PRDM15: variants seen among roughly 807,000 people sequenced by gnomAD.
The protein encoded by PRDM15 is PR/SET domain 15, also known as PR domain zinc finger protein 15.
PRDM15 carries 64 observed loss-of-function variants against 128.6 expected under a neutral mutation model. That is an observed-to-expected ratio of 0.50 (90% CI 0.41 to 0.61). The LOEUF is 0.61. PRDM15 is among the 20% of genes least tolerant of loss of function. The probability of loss-of-function intolerance (pLI) is 0.00; values close to 1 mark genes in which losing one functional copy is unlikely to be tolerated. For missense variants in PRDM15, 1,242 were observed against 1,569.1 expected (o/e 0.79, Z 3.52); for synonymous variants, 615 against 621.8 (o/e 0.99, Z 0.16).
Position 41,821,460 on chromosome 21 carries a change from T to C in PRDM15, c.1897-230A>G, listed in dbSNP as rs561032972. On this transcript the variant is annotated intron_variant, in intron 15 of 23. Transcript: ENST00000398548. The surrounding 1 kb of genome is among the most constrained non-coding windows in gnomAD (Gnocchi z 5.4). ...TGTCCTCGGAAACAAACCACCCTCC[T>C]TTTTGGAGAGCCCCTTCCATGCACA... 6.6e-6 allele frequency among the ~76,000 whole-genome samples: 1 copy of C among 152,138 alleles called. No individual in the cohort carries two copies. The highest frequency in any genetic ancestry group is 2.4e-5 in the African/African-American group (1 of 41,494).
intron 1 of PRDM15, chr21:41,871,625 T>C (rs766545087): frequency 8.1e-6 from 13 of 1,606,968 alleles, no homozygotes; most frequent in Middle Eastern, 1.8e-4. Context: ...CTGGGACCTG[T>C]AGGCCAACAG....
chr21:41,810,662 A>AT lies in PRDM15; in HGVS notation c.2476+90_2476+91insA, dbSNP rs2061835610. ...AATGTGCTGGAACCGTCTAGATAAT[A>AT]GAATAGTCGTTTCCACCCCAGCAGG... is the stretch of plus-strand genomic sequence containing the variant. On this transcript the variant is annotated intron_variant, in intron 20 of 23. Coordinates refer to ENST00000398548, the MANE Select transcript of PRDM15 (RefSeq NM_001040424.3). The surrounding 1 kb of genome is among the most constrained non-coding windows in gnomAD (Gnocchi z 6.4). 1 of 1,014,886 alleles carries AT rather than the reference A, an allele frequency of 9.9e-7. No individual in the cohort carries two copies. Among genetic ancestry groups the AT allele is most frequent in the African/African-American group, 1.6e-5 (1 of 63,486 alleles). The allele number at this position is 1,014,886 out of a possible 1,614,324, so 62.9% of individuals were successfully genotyped here.
Position 41,859,519 on chromosome 21 carries a change from C to T in PRDM15, c.131+73G>A, listed in dbSNP as rs2063745239. On this transcript the variant is annotated intron_variant, in intron 3 of 23. Coordinates refer to ENST00000398548, the MANE Select transcript of PRDM15 (RefSeq NM_001040424.3). The surrounding 1 kb of genome is among the most constrained non-coding windows in gnomAD (Gnocchi z 5.3). ...CCTCAGGCTCCTTCCTCCCCGTCTG[C>T]AGACCCAAAGGCCACTAGGCTCCTG... 1.6e-6 allele frequency: 2 copies of T among 1,249,292 alleles called. No individual in the cohort carries two copies. The highest frequency in any genetic ancestry group is 2.1e-5 in the Admixed American group (1 of 48,608). 77.4% of individuals were successfully genotyped at this position (1,249,292 alleles called of 1,614,324 possible).
At chr21:41,806,456 CACCATCACCACCAGCACCACCCATT>C in intron 21 of PRDM15, among the ~76,000 whole-genome samples, 1 of 48,726 alleles carries the variant, frequency 2.1e-5, no homozygotes, top group Non-Finnish European at 4.0e-5. Context: ...CACCACCCAT[CACCATCACCACCAGCACCACCCATT>C]ACTACCACCA....
At chr21:41,874,525 A>ATTTTT (rs61045274) in intron 1 of PRDM15, among the ~76,000 whole-genome samples, 1,296 of 95,746 alleles carry the variant, frequency 0.014, 39 homozygotes, top group East Asian at 0.089. Context: ...ATATATATAT[A>ATTTTT]TTTTTTTTTT....
rs1018841955 is a variant in PRDM15 at position 41,811,085 on chromosome 21, CACAG to C, written c.2393-253_2393-250del. The C allele has an allele frequency of 6.2e-6, 3 of 487,280 alleles. No homozygotes were observed. The highest frequency in any genetic ancestry group is 7.4e-6 in the Non-Finnish European group (2 of 268,476). The allele number at this position is 487,280 out of a possible 1,614,324, so 30.2% of individuals were successfully genotyped here. A position where few individuals can be genotyped will look rare whatever the true frequency, so the allele number is the denominator to read the frequency against. On this transcript the variant is annotated intron_variant, in intron 19 of 23. Coordinates refer to ENST00000398548, the MANE Select transcript of PRDM15 (RefSeq NM_001040424.3). The surrounding 1 kb of genome is among the most constrained non-coding windows in gnomAD (Gnocchi z 4.1). ...AGATGTGGGAAAGGCTGTCTGAAAA[CACAG>C]ACAGAAAGTGGAACCCACATGTGGA...
intron 5 of PRDM15, among the ~76,000 whole-genome samples, chr21:41,853,648 T>C (rs985667850): frequency 2.0e-5 from 3 of 152,208 alleles, no homozygotes; most frequent in Non-Finnish European, 4.4e-5. Context: ...ATGGGCAAAG[T>C]GATGCCCTGA....
rs1568922348 is a variant in PRDM15 at position 41,821,355 on chromosome 21, G to C, written c.1897-125C>G. 8.9e-7 allele frequency: 1 copy of C among 1,127,842 alleles called. No homozygotes were observed. Among genetic ancestry groups the C allele is most frequent in the Non-Finnish European group, 1.3e-6 (1 of 791,058 alleles). 69.9% of individuals were successfully genotyped at this position (1,127,842 alleles called of 1,614,324 possible). A position where few individuals can be genotyped will look rare whatever the true frequency, so the allele number is the denominator to read the frequency against. ...CCTGAGAGCCCATGACTCATGCCAG[G>C]GTGGAAGGGACTCTCAGAGGCTTGA... On this transcript the variant is annotated intron_variant, in intron 15 of 23. Coordinates refer to ENST00000398548, the MANE Select transcript of PRDM15 (RefSeq NM_001040424.3). The surrounding 1 kb of genome is among the most constrained non-coding windows in gnomAD (Gnocchi z 5.4).
Position 41,859,050 on chromosome 21 carries a change from G to A in PRDM15, c.131+542C>T. ...GCTCACCTGCCCTGGGCCACCAGGTGGCACAGCCTCCCCCAGGTGAGGGTG... is the reference window on the plus strand; with the variant it reads ...GCTCACCTGCCCTGGGCCACCAGGTAGCACAGCCTCCCCCAGGTGAGGGTG... On this transcript the variant is annotated intron_variant, in intron 3 of 23. Transcript: ENST00000398548. The surrounding 1 kb of genome is among the most constrained non-coding windows in gnomAD (Gnocchi z 5.3). 6.4e-7 allele frequency: 1 copy of A among 1,564,588 alleles called. No individual in the cohort carries two copies. The highest frequency in any genetic ancestry group is 2.4e-5 in the East Asian group (1 of 42,444).
In PRDM15 at chr21:41,799,169, A is replaced by G. The variant is rs2061362227; in HGVS notation, c.*2071T>C. On this transcript the variant is annotated 3_prime_UTR_variant, in exon 24 of 24. Coordinates refer to ENST00000398548, the MANE Select transcript of PRDM15 (RefSeq NM_001040424.3). ...TTATAGGGAAGAGGAATAAAAGATC[A>G]ATGCTAGTGGGTGTTTCGTCATGAG... 1 of 152,212 alleles carries G rather than the reference A, an allele frequency of 6.6e-6. No individual in the cohort carries two copies. 9.4% of individuals were successfully genotyped at this position (152,212 alleles called of 1,614,324 possible).
intron 6 of PRDM15, among the ~76,000 whole-genome samples, chr21:41,840,674 A>G (rs1359049435): frequency 2.6e-5 from 4 of 152,152 alleles, no homozygotes; most frequent in Non-Finnish European, 1.5e-5. Flanking sequence ...TCAGGGCGTC[A>G]GCAGACACAT....
intron 21 of PRDM15, among the ~76,000 whole-genome samples, chr21:41,805,182 G>T (rs1019622095): frequency 6.6e-6 from 1 of 152,186 alleles, no homozygotes; most frequent in African/African-American, 2.4e-5. Context: ...CACCAGCTCA[G>T]TGCGTCCTGC....
chr21:41,874,527 T>TA (rs1329086382), intron 1 of PRDM15, among the ~76,000 whole-genome samples: 985 of 96,590 alleles, frequency 0.01, 6 homozygotes, highest in Non-Finnish European at 0.017. Flanking sequence ...ATATATATAT[T>TA]TTTTTTTTTT....
rs1161947907 is a variant in PRDM15 at position 41,799,831 on chromosome 21, CACAA to C, written c.*1405_*1408del. The C allele has an allele frequency of 3.9e-5, 6 of 152,564 alleles. No individual in the cohort carries two copies. The highest frequency in any genetic ancestry group is 2.1e-4 in the South Asian group (1 of 4,828). 9.5% of individuals were successfully genotyped at this position (152,564 alleles called of 1,614,324 possible). A position where few individuals can be genotyped will look rare whatever the true frequency, so the allele number is the denominator to read the frequency against. ...GGCAGGTTTGTCCTCTCACTGTGGCCACAAACAGAGTACCAGGAAAGTTAAGAGC... is the reference window on the plus strand; with the variant it reads ...GGCAGGTTTGTCCTCTCACTGTGGCCACAGAGTACCAGGAAAGTTAAGAGC... On this transcript the variant is annotated 3_prime_UTR_variant, in exon 24 of 24. Transcript: ENST00000398548.
chr21:41,828,141 G>A lies in PRDM15; in HGVS notation c.1534+25C>T, dbSNP rs1007466675. 12 of 1,610,246 alleles carry A rather than the reference G, an allele frequency of 7.5e-6. No individual in the cohort carries two copies. The highest frequency in any genetic ancestry group is 4.4e-5 in the South Asian group (4 of 90,992). On this transcript the variant is annotated intron_variant, in intron 12 of 23. Transcript: ENST00000398548. This position sits in a 1 kb window ranked among gnomAD's most constrained non-coding sequence, Gnocchi z 5.7. ...CCGCAGGAGCTGCCTCTCCCCGCCC[G>A]CAGCAGGTGCGCAGGCGGCCTCACC...
At position 41,854,830 on chromosome 21, in the gene PRDM15, T is replaced by C. The variant is rs1218625847; in HGVS notation, c.286-12A>G. The C allele has an allele frequency of 1.3e-6, 2 of 1,593,794 alleles. No homozygotes were observed. Among genetic ancestry groups the C allele is most frequent in the Admixed American group, 3.4e-5 (2 of 59,368 alleles). On this transcript the variant is annotated splice_polypyrimidine_tract_variant and intron_variant, in intron 4 of 23. Coordinates refer to ENST00000398548, the MANE Select transcript of PRDM15 (RefSeq NM_001040424.3). This position sits in a 1 kb window ranked among gnomAD's most constrained non-coding sequence, Gnocchi z 4.6. Reference sequence around the variant, plus strand: ...TCCTTCTGGAACACCTGAAGGTGAGTCGGCCCATGGAGAAGCCGGGGAAAT... The same window carrying C: ...TCCTTCTGGAACACCTGAAGGTGAGCCGGCCCATGGAGAAGCCGGGGAAAT...
Position 41,839,900 on chromosome 21 carries a change from C to T in PRDM15, c.641-47G>A, listed in dbSNP as rs1211080981. ...CACCACACAATTAGGAAGCCTGCCA[C>T]CGTCCACACCCACCCTGGCCTCTGG... On this transcript the variant is annotated intron_variant, in intron 6 of 23. Transcript: ENST00000398548. 3 of 1,506,644 alleles carry T rather than the reference C, an allele frequency of 2.0e-6. No individual in the cohort carries two copies. In the African/African-American group the frequency reaches 4.1e-5, roughly 21 times the overall value. 93.3% of individuals were successfully genotyped at this position (1,506,644 alleles called of 1,614,324 possible).
chr21:41,819,917 G>C, intron 17 of PRDM15, 178 bp downstream of exon 17: 1 of 768,046 alleles, frequency 1.3e-6, no homozygotes, highest in East Asian at 2.7e-5. Flanking sequence ...GGGGCTGGGG[G>C]CGCTGGGCTG....
intron 12 of PRDM15, among the ~76,000 whole-genome samples, chr21:41,827,441 C>T (rs1006078691): frequency 3.3e-5 from 5 of 152,170 alleles, no homozygotes; most frequent in African/African-American, 1.2e-4. Flanking sequence ...CCTCGACCTC[C>T]CAGCCTCAAG....
Sources: gnomAD v4.1 joint callset for allele counts (sites outside exome capture counted in the v4.1 genomes callset) on GRCh38, gnomAD v4.1.1 for gene constraint, Gnocchi (gnomAD v3.1) non-coding constraint, MANE v1.5 for transcripts, NCBI Gene and HGNC (gene_info 2026-07-23, HGNC 2026-07-21) for gene names.